ERAP1: variants seen among roughly 807,000 people sequenced by gnomAD.
ERAP1 encodes the protein endoplasmic reticulum aminopeptidase 1.
Under a neutral mutation model 103.7 loss-of-function variants are expected in ERAP1, and 86 were observed. That is an observed-to-expected ratio of 0.83 (90% CI 0.70 to 0.99). The LOEUF is 0.99. Ranked by LOEUF, ERAP1 falls within the 50% of genes least tolerant of loss-of-function variation. ERAP1 has a pLI of 0.00. For synonymous variants in ERAP1, 398 were observed against 402.4 expected, an observed-to-expected ratio of 0.99 and a Z score of 0.13; for missense variants, 1,009 against 1,128.4, an observed-to-expected ratio of 0.89 and a Z score of 1.52.
chr5:96,911,041 G>A, the ERAP1 span, among the ~76,000 whole-genome samples: 3 of 152,190 alleles, frequency 2.0e-5, no homozygotes, highest in African/African-American at 7.2e-5. Flanking sequence ...TTATTCAAAT[G>A]TCACTTGGGG....
In ERAP1 at chr5:96,790,328, A is replaced by G; in HGVS notation, c.1492T>C (p.Cys498Arg). The stretch of plus-strand genomic sequence containing the variant: ...GAAGATGAATGTTGACTTCTAGAGC[A>G]AAAGCCATCCATCCCTTTTACACCA... ...TDGVKGMDGF[C>R]SRSQHSSSSS... The change falls in exon 10 of 19, where the codon TGC (cysteine) becomes CGC (arginine). Residue 498 changes from cysteine to arginine, a missense_variant. Around this residue, in one of 3 missense-constraint regions of ERAP1, gnomAD observed 611 missense variants for 651.7 expected, o/e 0.94. Transcript: ENST00000443439. The G allele has an allele frequency of 1.2e-6, 2 of 1,614,164 alleles. No individual in the cohort carries two copies. Among genetic ancestry groups the G allele is most frequent in the Non-Finnish European group, 1.7e-6 (2 of 1,180,000 alleles).
At chr5:96,806,093 T>C (rs1778562721) in intron 1 of ERAP1, 1 of 152,172 alleles carries the variant, frequency 6.6e-6, no homozygotes, top group South Asian at 2.1e-4. Flanking sequence ...TAAATTCTCT[T>C]ATTAATCCCA....
chr5:96,892,363 G>C, the ERAP1 span: 2 of 1,613,976 alleles, frequency 1.2e-6, no homozygotes, highest in Non-Finnish European at 1.7e-6. Flanking sequence ...TTACATATAG[G>C]GAGACGTCAC....
At chr5:96,789,056 A>T (rs2150946125) in intron 10 of ERAP1, among the ~76,000 whole-genome samples, 1 of 152,336 alleles carries the variant, frequency 6.6e-6, no homozygotes, top group Non-Finnish European at 1.5e-5. Flanking sequence ...GTTTTGGACA[A>T]GCAAGGTGGA....
the ERAP1 span, among the ~76,000 whole-genome samples, chr5:96,888,691 TG>T: frequency 6.6e-6 from 1 of 152,202 alleles, no homozygotes; most frequent in Non-Finnish European, 1.5e-5. Flanking sequence ...CTAATTTCTT[TG>T]GGGGAGCCAT....
downstream of ERAP1, chr5:96,771,872 C>A: frequency 2.2e-6 from 1 of 449,030 alleles, no homozygotes; most frequent in Non-Finnish European, 4.0e-6. Flanking sequence ...TCTCTGAAAG[C>A]ACTAAATGGG....
At chr5:96,935,841 C>G in the ERAP1 span, 1 of 364,896 alleles carries the variant, frequency 2.7e-6, no homozygotes, top group Non-Finnish European at 5.0e-6. Context: ...GGGGAGAGCG[C>G]CGCAGCCGGG....
intron 15 of ERAP1, among the ~76,000 whole-genome samples, chr5:96,782,159 C>T (rs62364747): frequency 1.3e-5 from 2 of 151,756 alleles, no homozygotes; most frequent in Non-Finnish European, 2.9e-5. Context: ...TACAGGCGCC[C>T]GCCACCATGC....
At chr5:96,899,435 A>G in the ERAP1 span, among the ~76,000 whole-genome samples, 2 of 152,378 alleles carry the variant, frequency 1.3e-5, no homozygotes, top group Non-Finnish European at 2.9e-5. Flanking sequence ...ACATGTCAAT[A>G]GCAACTTGAG....
In ERAP1 at chr5:96,803,837, TGAA is replaced by T; in HGVS notation, c.87_89del (p.Ser30del). The T allele has an allele frequency of 6.2e-7, 1 of 1,614,160 alleles. No homozygotes were observed. Among genetic ancestry groups the T allele is most frequent in the South Asian group, 1.1e-5 (1 of 91,084 alleles). ...GAGATGCTTCAGTGCTCTGACACCA[TGAA>T]GGAGTGGACACAGTTAAGAGAGCCA... On this transcript the variant is annotated inframe_deletion, in exon 2 of 19. Transcript: ENST00000443439.
In ERAP1 at chr5:96,793,484, C is replaced by A; in HGVS notation, c.1104G>T (p.Trp368Cys). ...CTTCATTTAGCCAAAGATCATTCCA[C>A]CATTCCATAGTGACCAGGTTCCCAA... ...QWFGNLVTME[W>C]WNDLWLNEGF... Residue 368 changes from tryptophan to cysteine, a missense_variant, in exon 7 of 19, where the codon TGG becomes TGT. Physicochemically the swap from Trp to Cys is radical, Grantham distance 215. Coordinates refer to ENST00000443439, the MANE Select transcript of ERAP1 (RefSeq NM_001040458.3). The A allele has an allele frequency of 6.2e-7, 1 of 1,613,864 alleles. No individual in the cohort carries two copies. Among genetic ancestry groups the A allele is most frequent in the South Asian group, 1.1e-5 (1 of 91,076 alleles).
At chr5:96,814,303 C>G in the ERAP1 span, 1 of 456,164 alleles carries the variant, frequency 2.2e-6, no homozygotes, top group Non-Finnish European at 4.4e-6. Flanking sequence ...TCACAGGTTT[C>G]TCTCACACTA....
chr5:96,819,185 A>G, the ERAP1 span, among the ~76,000 whole-genome samples: 5 of 152,228 alleles, frequency 3.3e-5, no homozygotes, highest in South Asian at 2.1e-4. Context: ...CGGCCTCCCA[A>G]TGTGCTGGGA....
chr5:96,789,423 G>A (rs992174280), intron 10 of ERAP1, among the ~76,000 whole-genome samples: 1 of 151,942 alleles, frequency 6.6e-6, no homozygotes, highest in Admixed American at 6.5e-5. Flanking sequence ...GGAGGCAGAG[G>A]CTACAGTGAG....
chr5:96,877,195 G>C, the ERAP1 span, among the ~76,000 whole-genome samples: 1 of 152,100 alleles, frequency 6.6e-6, no homozygotes, highest in African/African-American at 2.4e-5. Flanking sequence ...GGCTGGTCTC[G>C]AATTCCTGAC....
At chr5:96,787,384 C>A (rs1197804577) in intron 11 of ERAP1, among the ~76,000 whole-genome samples, 1 of 151,954 alleles carries the variant, frequency 6.6e-6, no homozygotes, top group African/African-American at 2.4e-5. Context: ...TCCTGCCTCA[C>A]CCTCCTGAGT....
chr5:96,778,458 G>C (rs528881594), intron 18 of ERAP1, among the ~76,000 whole-genome samples: 1 of 152,280 alleles, frequency 6.6e-6, no homozygotes, highest in African/African-American at 2.4e-5. Flanking sequence ...AAAGTGCAGA[G>C]GCTTAAAGAC....
the ERAP1 span, among the ~76,000 whole-genome samples, chr5:96,819,347 A>G: frequency 6.6e-6 from 1 of 152,160 alleles, no homozygotes; most frequent in Admixed American, 6.5e-5. Context: ...TGCTACCACC[A>G]TATCATCATG....
At chr5:96,781,388 C>T (rs1021536563) in intron 16 of ERAP1, among the ~76,000 whole-genome samples, 190 bp from the exon 17 acceptor site, 1 of 152,134 alleles carries the variant, frequency 6.6e-6, no homozygotes, top group African/African-American at 2.4e-5. Flanking sequence ...ATATAGTGTT[C>T]ATAACACCCA....
Sources: gnomAD v4.1 joint callset for allele counts (sites outside exome capture counted in the v4.1 genomes callset) on GRCh38, gnomAD v4.1.1 for gene constraint, gnomAD v4.1.1 regional missense constraint, MANE v1.5 for transcripts, NCBI Gene and HGNC (gene_info 2026-07-23, HGNC 2026-07-21) for gene names.